The following FGGY variants were observed in gnomAD, a reference collection of about 807,000 sequenced individuals.
The protein encoded by FGGY is FGGY carbohydrate kinase domain-containing protein.
A neutral mutation model predicts 71.3 loss-of-function variants in FGGY; 72 were observed. The ratio of observed to expected loss-of-function variants is 1.01; its 90% CI spans 0.84 to 1.23. The LOEUF (loss-of-function observed/expected upper bound fraction) is 1.23. Ranked by LOEUF, FGGY falls within the 50% of genes most tolerant of loss-of-function variation. The pLI, the probability that FGGY is intolerant of heterozygous loss-of-function variation, is 0.00. For missense variants in FGGY, 668 were observed against 682.3 expected (o/e 0.98, Z 0.23); for synonymous variants, 251 against 250.3 (o/e 1.00, Z -0.02).
At chr1:59,488,531 ATATG>A (rs982572587) in intron 6 of FGGY, among the ~76,000 whole-genome samples, 27 of 148,214 alleles carry the variant, frequency 1.8e-4, no homozygotes, top group African/African-American at 5.9e-4. Flanking sequence ...TTATATATAA[ATATG>A]TATTATGTAT....
chr1:59,465,710 A>C (rs1572501051), intron 6 of FGGY, among the ~76,000 whole-genome samples: 1 of 151,802 alleles, frequency 6.6e-6, no homozygotes, highest in South Asian at 2.1e-4. Context: ...CTATACACCA[A>C]CAACAGACAG....
intron 9 of FGGY, among the ~76,000 whole-genome samples, chr1:59,624,114 AT>A (rs1415012449): frequency 9.6e-6 from 1 of 104,638 alleles, no homozygotes; most frequent in Non-Finnish European, 1.9e-5. Flanking sequence ...TAAATATTCA[AT>A]AACTGCATGA....
At chr1:59,324,221 T>C (rs2046918816) in intron 2 of FGGY, among the ~76,000 whole-genome samples, 1 of 151,460 alleles carries the variant, frequency 6.6e-6, no homozygotes, top group Admixed American at 6.6e-5. Context: ...GGTACTATAC[T>C]GAAGAGCTTT....
intron 6 of FGGY, among the ~76,000 whole-genome samples, chr1:59,485,467 C>T (rs1468069499): frequency 6.6e-6 from 1 of 152,150 alleles, no homozygotes; most frequent in African/African-American, 2.4e-5. Context: ...ATAAGGGGGA[C>T]AGACGCCATA....
chr1:59,553,111 G>C (rs748920066), intron 7 of FGGY, among the ~76,000 whole-genome samples: 7 of 152,136 alleles, frequency 4.6e-5, no homozygotes, highest in African/African-American at 7.2e-5. Context: ...CAAATGTGAA[G>C]GTCTTGAGGT....
intron 5 of FGGY, among the ~76,000 whole-genome samples, chr1:59,448,369 G>C (rs1332399145): frequency 6.6e-6 from 1 of 152,164 alleles, no homozygotes; most frequent in Non-Finnish European, 1.5e-5. Flanking sequence ...GCATGCATTT[G>C]TGTCTTGGGC....
At chr1:59,615,076 A>G (rs1375841939) in intron 9 of FGGY, among the ~76,000 whole-genome samples, 1 of 152,210 alleles carries the variant, frequency 6.6e-6, no homozygotes, top group Non-Finnish European at 1.5e-5. Context: ...CACACTGCCC[A>G]AGGTAATTTA....
At chr1:59,435,269 T>C (rs550370263) in intron 5 of FGGY, among the ~76,000 whole-genome samples, 1 of 152,316 alleles carries the variant, frequency 6.6e-6, no homozygotes, top group African/African-American at 2.4e-5. Flanking sequence ...AGCCAGTATC[T>C]GGGGAATAAT....
chr1:59,538,230 C>G (rs2095369028), intron 7 of FGGY, among the ~76,000 whole-genome samples: 1 of 152,056 alleles, frequency 6.6e-6, no homozygotes, highest in Non-Finnish European at 1.5e-5. Flanking sequence ...GCAGCCAAAA[C>G]ACACATGAAA....
At chr1:59,480,067 C>T (rs1350166398) in intron 6 of FGGY, among the ~76,000 whole-genome samples, 2 of 152,146 alleles carry the variant, frequency 1.3e-5, no homozygotes, top group African/African-American at 4.8e-5. Flanking sequence ...AATCTCGCAA[C>T]TGGATTATTC....
intron 8 of FGGY, among the ~76,000 whole-genome samples, chr1:59,590,994 A>C (rs2096422467): frequency 6.6e-6 from 1 of 152,240 alleles, no homozygotes; most frequent in Non-Finnish European, 1.5e-5. Flanking sequence ...AGAGGAAGTC[A>C]AATTGTCCCT....
intron 11 of FGGY, among the ~76,000 whole-genome samples, chr1:59,653,337 C>T (rs974992054): frequency 3.3e-5 from 5 of 152,284 alleles, no homozygotes; most frequent in East Asian, 3.9e-4. Flanking sequence ...CAATGGCGGG[C>T]GCCCCTCCCC....
chr1:59,496,827 A>C (rs2094050560), intron 6 of FGGY, among the ~76,000 whole-genome samples: 1 of 152,220 alleles, frequency 6.6e-6, no homozygotes, highest in African/African-American at 2.4e-5. Context: ...CAGCATATTA[A>C]AGTCCCAATT....
At chr1:59,719,737 C>T (rs533605528) in intron 14 of FGGY, among the ~76,000 whole-genome samples, 11 of 152,278 alleles carry the variant, frequency 7.2e-5, no homozygotes, top group Non-Finnish European at 1.5e-4. Context: ...ATAGGCCAGA[C>T]ACTGTTCTAG....
chr1:59,473,715 C>A (rs180821107), intron 6 of FGGY, among the ~76,000 whole-genome samples: 29 of 152,116 alleles, frequency 1.9e-4, no homozygotes, highest in Non-Finnish European at 3.7e-4. Context: ...ATGGGGCCAC[C>A]GATTAGAGAC....
At chr1:59,587,411 A>G (rs1162829795) in intron 8 of FGGY, among the ~76,000 whole-genome samples, 2 of 152,126 alleles carry the variant, frequency 1.3e-5, no homozygotes, top group African/African-American at 2.4e-5. Flanking sequence ...GCCGACTTAA[A>G]TGTCCCTGTC....
chr1:59,746,757 T>C (rs950445271), intron 14 of FGGY, among the ~76,000 whole-genome samples: 1 of 152,224 alleles, frequency 6.6e-6, no homozygotes, highest in African/African-American at 2.4e-5. Flanking sequence ...CCTCCCAAAG[T>C]GCTGGGATTA....
upstream of FGGY, chr1:59,296,968 C>T (rs1342348195): frequency 1.3e-5 from 2 of 152,870 alleles, no homozygotes; most frequent in East Asian, 1.9e-4. Flanking sequence ...TGCGCAGGCT[C>T]TTAGCGCGCA....
intron 8 of FGGY, among the ~76,000 whole-genome samples, chr1:59,590,405 A>G (rs1240681980): frequency 2.6e-5 from 4 of 152,238 alleles, no homozygotes; most frequent in Non-Finnish European, 5.9e-5. Flanking sequence ...TCCAATCAAT[A>G]GAAAAAGAGG....
Sources: gnomAD v4.1 joint callset for allele counts (sites outside exome capture counted in the v4.1 genomes callset) on GRCh38, gnomAD v4.1.1 for gene constraint, MANE v1.5 for transcripts, NCBI Gene and HGNC (gene_info 2026-07-23, HGNC 2026-07-21) for gene names.